SCOC: variants seen among roughly 807,000 people sequenced by gnomAD.
SCOC encodes short coiled coil protein.
In SCOC, 7 loss-of-function variants were observed where a neutral mutation model predicts 9.9. The ratio of observed to expected loss-of-function variants is 0.71; its 90% CI spans 0.40 to 1.33. SCOC has a LOEUF of 1.33. Among genes scored for constraint, SCOC ranks in the 40% most tolerant of loss-of-function variants. The probability of loss-of-function intolerance (pLI) is 0.01; values close to 1 mark genes in which losing one functional copy is unlikely to be tolerated. For synonymous variants in SCOC, 19 were observed against 28.2 expected, an observed-to-expected ratio of 0.67 and a Z score of 1.03; for missense variants, 66 against 89.7, an observed-to-expected ratio of 0.74 and a Z score of 1.07.
At chr4:140,258,604 C>G (rs972947721) in intron 1 of SCOC, among the ~76,000 whole-genome samples, 1 of 152,134 alleles carries the variant, frequency 6.6e-6, no homozygotes, top group Non-Finnish European at 1.5e-5. Flanking sequence ...CCTTATTTAC[C>G]AGAGATTCAT....
intron 1 of SCOC, among the ~76,000 whole-genome samples, chr4:140,287,802 T>G (rs1273519627): frequency 2.0e-5 from 3 of 151,970 alleles, no homozygotes; most frequent in Non-Finnish European, 2.9e-5. Context: ...ACATACATAC[T>G]CTATACATAT....
chr4:140,377,362 T>C (rs1728387267), intron 1 of SCOC, among the ~76,000 whole-genome samples: 1 of 152,128 alleles, frequency 6.6e-6, no homozygotes, highest in Admixed American at 6.5e-5. Flanking sequence ...GTTGGAAAAA[T>C]TTTAGTAATC....
chr4:140,329,588 C>G (rs1560703731), intron 1 of SCOC, among the ~76,000 whole-genome samples: 1 of 151,964 alleles, frequency 6.6e-6, no homozygotes, highest in East Asian at 1.9e-4. Flanking sequence ...ACAAATAACT[C>G]AAACAAATCA....
At chr4:140,277,296 C>T (rs1173213188) in intron 1 of SCOC, among the ~76,000 whole-genome samples, 3 of 152,130 alleles carry the variant, frequency 2.0e-5, no homozygotes, top group Non-Finnish European at 2.9e-5. Flanking sequence ...TGCAGACCCC[C>T]CTCCCCACTG....
At chr4:140,259,120 A>C (rs1229646777) in intron 1 of SCOC, among the ~76,000 whole-genome samples, 2 of 152,254 alleles carry the variant, frequency 1.3e-5, no homozygotes, top group African/African-American at 4.8e-5. Flanking sequence ...GGAAAAATGC[A>C]TGGGCAAGGC....
chr4:140,324,407 G>T (rs946977362), intron 1 of SCOC, among the ~76,000 whole-genome samples: 6 of 152,038 alleles, frequency 3.9e-5, no homozygotes, highest in Non-Finnish European at 7.4e-5. Context: ...AAAGGAAAAA[G>T]ATAAGCCTGT....
chr4:140,349,779 C>A (rs1429421873), intron 2 of SCOC, among the ~76,000 whole-genome samples: 1 of 152,190 alleles, frequency 6.6e-6, no homozygotes, highest in African/African-American at 2.4e-5. Flanking sequence ...TCCTTATTAT[C>A]CCCAACACAA....
At chr4:140,362,155 TGCTTCACACTGG>T (rs1284131297) in intron 2 of SCOC, among the ~76,000 whole-genome samples, 1 of 151,498 alleles carries the variant, frequency 6.6e-6, no homozygotes, top group Non-Finnish European at 1.5e-5. Context: ...GCCATATCTT[TGCTTCACACTGG>T]GCATGATTTG....
intron 1 of SCOC, among the ~76,000 whole-genome samples, chr4:140,288,844 G>A (rs548601954): frequency 1.3e-5 from 2 of 151,846 alleles, no homozygotes; most frequent in East Asian, 1.9e-4. Flanking sequence ...TATCACAAAT[G>A]TCTATATACC....
At chr4:140,265,531 A>G (rs1367857338) in intron 1 of SCOC, among the ~76,000 whole-genome samples, 2 of 152,228 alleles carry the variant, frequency 1.3e-5, no homozygotes, top group South Asian at 2.1e-4. Context: ...ACTTATGGAC[A>G]GAAAAGGGAA....
At chr4:140,307,020 G>A (rs999399778) in intron 1 of SCOC, among the ~76,000 whole-genome samples, 22 of 152,110 alleles carry the variant, frequency 1.4e-4, no homozygotes, top group African/African-American at 4.8e-4. Flanking sequence ...TGGGGCCTTG[G>A]GAGGTGATTA....
chr4:140,276,461 G>GTTTGTTTGT (rs1375339399), intron 1 of SCOC, among the ~76,000 whole-genome samples: 1 of 151,326 alleles, frequency 6.6e-6, no homozygotes, highest in Non-Finnish European at 1.5e-5. Flanking sequence ...GTTTTTGTTT[G>GTTTGTTTGT]TTTGTTTGTT....
intron 1 of SCOC, among the ~76,000 whole-genome samples, chr4:140,311,322 C>T (rs187958142): frequency 6.6e-6 from 1 of 152,314 alleles, no homozygotes; most frequent in Admixed American, 6.5e-5. Context: ...GTAGTATCTT[C>T]ATTCAATTAA....
At chr4:140,261,745 G>A (rs13120186) in intron 1 of SCOC, among the ~76,000 whole-genome samples, 15,111 of 152,242 alleles carry the variant, frequency 0.099, 1,178 homozygotes, top group East Asian at 0.27. Flanking sequence ...ATGGGAAAGG[G>A]GGCTGAAGGT....
At chr4:140,312,437 A>T (rs113796597) in intron 1 of SCOC, among the ~76,000 whole-genome samples, 2,838 of 152,222 alleles carry the variant, frequency 0.019, 51 homozygotes, top group South Asian at 0.086. Flanking sequence ...TTAATTAATT[A>T]ATTTATTTTT....
At chr4:140,360,861 T>C (rs1217154008) in intron 2 of SCOC, 3 of 152,232 alleles carry the variant, frequency 2.0e-5, no homozygotes, top group Non-Finnish European at 4.4e-5. Flanking sequence ...TTAATGGCCA[T>C]TGACTTCTAC....
intron 1 of SCOC, among the ~76,000 whole-genome samples, chr4:140,337,672 C>T (rs1010752819): frequency 1.3e-5 from 2 of 152,174 alleles, no homozygotes; most frequent in East Asian, 1.9e-4. Flanking sequence ...ACTATAAACA[C>T]CTCTATGCAA....
chr4:140,260,512 T>C (rs1309512055), intron 1 of SCOC, among the ~76,000 whole-genome samples: 1 of 152,224 alleles, frequency 6.6e-6, no homozygotes, highest in Non-Finnish European at 1.5e-5. Context: ...ATCTATCATA[T>C]GCTCGAAGAA....
chr4:140,363,174 G>C (rs1413683557), intron 2 of SCOC, among the ~76,000 whole-genome samples: 1 of 152,148 alleles, frequency 6.6e-6, no homozygotes, highest in Non-Finnish European at 1.5e-5. Context: ...ATAGGTAACA[G>C]CAACAAATCA....
Sources: allele counts gnomAD v4.1 joint callset (sites outside exome capture counted in the v4.1 genomes callset), GRCh38; gene constraint gnomAD v4.1.1; transcripts MANE v1.5; gene names NCBI Gene and HGNC (gene_info 2026-07-23, HGNC 2026-07-21).